GNAZ: variants seen among roughly 807,000 people sequenced by gnomAD.
The protein encoded by GNAZ is G protein subunit alpha z.
GNAZ carries 3 observed loss-of-function variants against 25.4 expected under a neutral mutation model. The ratio of observed to expected loss-of-function variants is 0.12; its 90% CI spans 0.05 to 0.30. GNAZ has a LOEUF of 0.30. GNAZ is among the 10% of genes least tolerant of loss of function. The probability of loss-of-function intolerance (pLI) is 1.00; values close to 1 mark genes in which losing one functional copy is unlikely to be tolerated. For missense variants in GNAZ, 241 were observed against 501.8 expected, an observed-to-expected ratio of 0.48 and a Z score of 4.97; for synonymous variants, 211 against 205.7, an observed-to-expected ratio of 1.03 and a Z score of -0.22.
chr22:23,102,605 C>T (rs6003506), intron 2 of GNAZ, among the ~76,000 whole-genome samples: 15,783 of 152,268 alleles, frequency 0.1, 2,614 homozygotes, highest in African/African-American at 0.35. Context: ...CTTGGGCTGC[C>T]CCCACACCTG....
chr22:23,121,375 C>T (rs946929126), intron 2 of GNAZ, among the ~76,000 whole-genome samples: 2 of 152,198 alleles, frequency 1.3e-5, no homozygotes, highest in Non-Finnish European at 2.9e-5. Context: ...TCAGAGAACT[C>T]AGGGGCTCTG....
In GNAZ at chr22:23,095,654, C is replaced by T. The variant is rs754923331; in HGVS notation, c.-42C>T. On this transcript the variant is annotated 5_prime_UTR_variant, in exon 2 of 3. Coordinates refer to ENST00000615612, the MANE Select transcript of GNAZ (RefSeq NM_002073.4). ...TCCCCTGTGGCAAGAGGGAGAGGTG[C>T]CCCATCCCGTGCTCCTTGTCTGGGC... is the stretch of plus-strand genomic sequence containing the variant. 10 of 1,558,866 alleles carry T rather than the reference C, an allele frequency of 6.4e-6. No individual in the cohort carries two copies. The Admixed American group carries it at 7.4e-5, about 12-fold the overall frequency.
intron 1 of GNAZ, among the ~76,000 whole-genome samples, chr22:23,075,874 A>G (rs1440830521): frequency 6.6e-6 from 1 of 152,044 alleles, no homozygotes; most frequent in African/African-American, 2.4e-5. Context: ...ACGGAGGCCA[A>G]GGTCCTTTGT....
At chr22:23,118,791 C>G (rs2069926490) in intron 2 of GNAZ, among the ~76,000 whole-genome samples, 1 of 152,236 alleles carries the variant, frequency 6.6e-6, no homozygotes, top group South Asian at 2.1e-4. Context: ...CCAGCTCTAC[C>G]CCAGTGGCCC....
chr22:23,121,230 C>T (rs1047172996), intron 2 of GNAZ, among the ~76,000 whole-genome samples: 5 of 152,228 alleles, frequency 3.3e-5, no homozygotes, highest in Admixed American at 6.5e-5. Context: ...CCTGTTATTC[C>T]GAAGCTCATT....
chr22:23,112,811 G>A (rs1029529730), intron 2 of GNAZ, among the ~76,000 whole-genome samples: 2 of 152,260 alleles, frequency 1.3e-5, no homozygotes, highest in South Asian at 2.1e-4. Context: ...TGGGGATAGG[G>A]ACCTGGCTGC....
intron 1 of GNAZ, among the ~76,000 whole-genome samples, chr22:23,084,187 C>T (rs1379959250): frequency 2.0e-5 from 3 of 152,168 alleles, no homozygotes; most frequent in Non-Finnish European, 2.9e-5. Context: ...TCCAAAAATA[C>T]AAGCAGTCCC....
At chr22:23,115,071 A>C (rs1012408331) in intron 2 of GNAZ, among the ~76,000 whole-genome samples, 1 of 152,142 alleles carries the variant, frequency 6.6e-6, no homozygotes, top group African/African-American at 2.4e-5. Context: ...TAGTTGGGCC[A>C]GCTGGCCTTG....
chr22:23,083,521 C>G (rs1320853191), intron 1 of GNAZ, among the ~76,000 whole-genome samples: 1 of 152,116 alleles, frequency 6.6e-6, no homozygotes, highest in Middle Eastern at 3.2e-3. Flanking sequence ...ATCTGTTCTG[C>G]GAATCTTTCA....
Position 23,084,462 on chromosome 22 carries a change from G to T in GNAZ, c.-449-10785G>T, listed in dbSNP as rs960861103. Among the ~76,000 whole-genome samples, 5 of 152,254 alleles carry T rather than the reference G, an allele frequency of 3.3e-5. No homozygotes were observed. The South Asian group carries it at 1.0e-3, about 32-fold the overall frequency. On this transcript the variant is annotated intron_variant, in intron 1 of 2. Coordinates refer to ENST00000615612, the MANE Select transcript of GNAZ (RefSeq NM_002073.4). ...GGGAAGTCAACACATTTTCAACTTA[G>T]GATGGGTTTATCAGGACATAACCCC... is the stretch of plus-strand genomic sequence containing the variant.
At chr22:23,105,407 C>T (rs2069437385) in intron 2 of GNAZ, among the ~76,000 whole-genome samples, 1 of 152,250 alleles carries the variant, frequency 6.6e-6, no homozygotes, top group Non-Finnish European at 1.5e-5. Context: ...ACTGGGATCT[C>T]TCCCCACTAC....
intron 1 of GNAZ, among the ~76,000 whole-genome samples, chr22:23,079,452 C>T (rs979235499): frequency 2.6e-5 from 4 of 152,144 alleles, no homozygotes; most frequent in African/African-American, 9.6e-5. Flanking sequence ...GGCAGCATGG[C>T]AGGAGTGGGG....
intron 2 of GNAZ, among the ~76,000 whole-genome samples, chr22:23,117,341 G>T (rs2069875414): frequency 6.6e-6 from 1 of 152,218 alleles, no homozygotes; most frequent in Non-Finnish European, 1.5e-5. Flanking sequence ...CATCACATCG[G>T]CCATTGCATC....
At chr22:23,082,438 G>A (rs1016425987) in intron 1 of GNAZ, among the ~76,000 whole-genome samples, 3 of 149,844 alleles carry the variant, frequency 2.0e-5, no homozygotes, top group African/African-American at 7.4e-5. Flanking sequence ...TGGCCAGGCT[G>A]GTCTTGAACT....
chr22:23,074,296 G>A (rs75886751), intron 1 of GNAZ, among the ~76,000 whole-genome samples: 4,649 of 152,304 alleles, frequency 0.031, 255 homozygotes, highest in African/African-American at 0.11. Flanking sequence ...CAGGCAGAGA[G>A]GCTGCTGACC....
chr22:23,074,317 A>T (rs1173368919), intron 1 of GNAZ, among the ~76,000 whole-genome samples: 6 of 152,164 alleles, frequency 3.9e-5, no homozygotes, highest in African/African-American at 1.4e-4. Context: ...CAGGGGTGGG[A>T]GCTCTGGAGG....
In GNAZ at chr22:23,096,229, C is replaced by T. The variant is rs752124457; in HGVS notation, c.534C>T (p.Ser178=). ...CCACTGTCGAGGACATCCTGCGCTC[C>T]CGGGACATGACCACGGGCATTGTGG... The part of the protein sequence containing the change: ...YIPTVEDILR[S]RDMTTGIVEN... The change falls in exon 2 of 3, where the codon TCC becomes TCT. Residue 178 remains serine, a synonymous_variant. Coordinates refer to ENST00000615612, the MANE Select transcript of GNAZ (RefSeq NM_002073.4). 6.2e-7 allele frequency: 1 copy of T among 1,613,978 alleles called. No homozygotes were observed. Among genetic ancestry groups the T allele is most frequent in the Admixed American group, 1.7e-5 (1 of 60,036 alleles).
chr22:23,102,003 C>T lies in GNAZ; in HGVS notation c.723+5585C>T, dbSNP rs117186677. Among the ~76,000 whole-genome samples the T allele has an allele frequency of 4.2e-3, 640 of 152,340 alleles. 1 individual carries two copies. The highest frequency in any genetic ancestry group is 7.0e-3 in the South Asian group (34 of 4,828). ...CTGTTATCCTACCCGAGCACTGGAGCGATGGGGCCAGCCTCAAGAGGGCTG... is the reference window on the plus strand; with the variant it reads ...CTGTTATCCTACCCGAGCACTGGAGTGATGGGGCCAGCCTCAAGAGGGCTG... On this transcript the variant is annotated intron_variant, in intron 2 of 2. Transcript: ENST00000615612.
At chr22:23,101,579 G>A (rs1569176522) in intron 2 of GNAZ, among the ~76,000 whole-genome samples, 1 of 152,206 alleles carries the variant, frequency 6.6e-6, no homozygotes, top group Admixed American at 6.5e-5. Context: ...TTCCTGACCT[G>A]GTCAAGGGCA....
Sources: allele counts gnomAD v4.1 joint callset (sites outside exome capture counted in the v4.1 genomes callset), GRCh38; gene constraint gnomAD v4.1.1; transcripts MANE v1.5; gene names NCBI Gene and HGNC (gene_info 2026-07-23, HGNC 2026-07-21).